Variants in SLC35B3 observed in about 807,000 individuals in gnomAD.
SLC35B3 encodes solute carrier family 35 member B3.
SLC35B3 carries 35 observed loss-of-function variants against 44.1 expected under a neutral mutation model. The ratio of observed to expected loss-of-function variants is 0.79; its 90% CI spans 0.61 to 1.05. The LOEUF (loss-of-function observed/expected upper bound fraction) is 1.05, where lower values mean the gene tolerates loss of function less well. SLC35B3 is among the 50% of genes least tolerant of loss of function. The probability of loss-of-function intolerance (pLI) is 0.00; values close to 1 mark genes in which losing one functional copy is unlikely to be tolerated. For synonymous variants in SLC35B3, 146 were observed against 167.3 expected (o/e 0.87, Z 0.98); for missense variants, 414 against 476.4 (o/e 0.87, Z 1.22).
intron 9 of SLC35B3, among the ~76,000 whole-genome samples, chr6:8,416,542 A>G (rs1457457718): frequency 1.3e-5 from 2 of 152,192 alleles, no homozygotes; most frequent in Admixed American, 1.3e-4. Context: ...AACAAAACTG[A>G]AAGTTTCAGT....
Position 8,433,277 on chromosome 6 carries a change from G to T in SLC35B3, c.3+1108C>A, listed in dbSNP as rs1764164755. Reference sequence around the variant, plus strand: ...TGATCATGCTGCATCCATGAATAAGGCCTCGAAGTTAAAAACGAGTTGATG... The same window carrying T: ...TGATCATGCTGCATCCATGAATAAGTCCTCGAAGTTAAAAACGAGTTGATG... On this transcript the variant is annotated intron_variant, in intron 2 of 10. Transcript: ENST00000644923. This position sits in a 1 kb window ranked among gnomAD's most constrained non-coding sequence, Gnocchi z 4.1. Among the ~76,000 whole-genome samples the T allele has an allele frequency of 2.0e-5, 3 of 152,174 alleles. No individual in the cohort carries two copies. The highest frequency in any genetic ancestry group is 1.3e-4 in the Admixed American group (2 of 15,288).
chr6:8,432,442 T>C lies in SLC35B3; in HGVS notation c.3+1943A>G, dbSNP rs536209610. ...CCAAAGTCACCTTCTTCTGAGATGT[T>C]TGTAATTTAGTAAACTGCCAAGCAT... On this transcript the variant is annotated intron_variant, in intron 2 of 10. Coordinates refer to ENST00000644923, the MANE Select transcript of SLC35B3 (RefSeq NM_001370476.2). This position sits in a 1 kb window ranked among gnomAD's most constrained non-coding sequence, Gnocchi z 4.8. Among the ~76,000 whole-genome samples the C allele has an allele frequency of 2.6e-5, 4 of 152,232 alleles. No homozygotes were observed. Among genetic ancestry groups the C allele is most frequent in the African/African-American group, 7.2e-5 (3 of 41,546 alleles).
intron 9 of SLC35B3, 35 bp downstream of exon 8, chr6:8,416,849 T>A (rs1290252495): frequency 9.1e-7 from 1 of 1,104,552 alleles, no homozygotes; most frequent in African/African-American, 1.6e-5. Flanking sequence ...ATGTAAATGC[T>A]TATTTTATAA....
intron 4 of SLC35B3, 56 bp downstream of exon 3, chr6:8,427,881 T>C (rs1198489448): frequency 2.0e-6 from 3 of 1,524,536 alleles, no homozygotes; most frequent in Non-Finnish European, 2.7e-6. Context: ...ATATTCAGTA[T>C]GCCAAAAAAA....
At chr6:8,417,348 T>C (rs1762502778) in intron 8 of SLC35B3, 54 bp downstream of exon 7, 20 of 1,127,892 alleles carry the variant, frequency 1.8e-5, no homozygotes, top group Non-Finnish European at 2.5e-5. Flanking sequence ...ATGAGAAATT[T>C]AGAGAAAATT....
chr6:8,422,429 C>T, intron 5 of SLC35B3, 41 bp downstream of exon 4: 1 of 1,438,390 alleles, frequency 7.0e-7, no homozygotes, highest in Non-Finnish European at 9.7e-7. Context: ...ATAACATAGC[C>T]TATTAGTTTT....
chr6:8,415,529 A>G (rs1478376353), intron 9 of SLC35B3, among the ~76,000 whole-genome samples: 2 of 152,186 alleles, frequency 1.3e-5, no homozygotes, highest in Non-Finnish European at 2.9e-5. Context: ...GGAGATCTGC[A>G]TAGATCTCCA....
intron 4 of SLC35B3, 107 bp from the exon 4 acceptor site, chr6:8,422,731 T>C: frequency 1.2e-6 from 1 of 856,304 alleles, no homozygotes; most frequent in Non-Finnish European, 1.8e-6. Flanking sequence ...TAATTTCTGG[T>C]TACTATTTCT....
At chr6:8,426,000 T>C (rs1372323851) in intron 4 of SLC35B3, among the ~76,000 whole-genome samples, 5 of 152,188 alleles carry the variant, frequency 3.3e-5, no homozygotes, top group African/African-American at 1.2e-4. Flanking sequence ...ACAAGCACAT[T>C]TGGTCTTGAT....
At chr6:8,427,528 T>C (rs1763532461) in intron 4 of SLC35B3, among the ~76,000 whole-genome samples, 1 of 152,238 alleles carries the variant, frequency 6.6e-6, no homozygotes, top group African/African-American at 2.4e-5. Flanking sequence ...ACTTTTCTAA[T>C]TTTGGAGCAT....
intron 4 of SLC35B3, among the ~76,000 whole-genome samples, chr6:8,423,520 G>A (rs930689150): frequency 2.6e-5 from 4 of 152,254 alleles, no homozygotes; most frequent in Non-Finnish European, 5.9e-5. Flanking sequence ...GTGAGCATAT[G>A]CTCACTTTGA....
chr6:8,432,283 A>G lies in SLC35B3; in HGVS notation c.3+2102T>C, dbSNP rs1486880088. ...TGAGCAAAACTGAAAATCTTATAGA[A>G]AAAGAGTGGGGAAAATTTACAAATA... On this transcript the variant is annotated intron_variant, in intron 2 of 10. Coordinates refer to ENST00000644923, the MANE Select transcript of SLC35B3 (RefSeq NM_001370476.2). The surrounding 1 kb of genome is among the most constrained non-coding windows in gnomAD (Gnocchi z 4.8). 6.6e-6 allele frequency among the ~76,000 whole-genome samples: 1 copy of G among 152,016 alleles called. No individual in the cohort carries two copies. The highest frequency in any genetic ancestry group is 6.6e-5 in the Admixed American group (1 of 15,252).
intron 4 of SLC35B3, among the ~76,000 whole-genome samples, chr6:8,424,504 C>G (rs1181534169): frequency 6.6e-6 from 1 of 152,196 alleles, no homozygotes; most frequent in African/African-American, 2.4e-5. Context: ...AGGTGATCAA[C>G]CTGCCTCGGC....
intron 4 of SLC35B3, among the ~76,000 whole-genome samples, chr6:8,426,787 A>G (rs1285667649): frequency 1.3e-5 from 2 of 152,174 alleles, no homozygotes; most frequent in Non-Finnish European, 2.9e-5. Flanking sequence ...AGGCTGGAAG[A>G]GTTTGGAGGG....
Position 8,411,712 on chromosome 6 carries a change from C to A in SLC35B3, c.*1837G>T, listed in dbSNP as rs917863941. Among the ~76,000 whole-genome samples the A allele has an allele frequency of 3.3e-5, 5 of 152,038 alleles. No individual in the cohort carries two copies. The highest frequency in any genetic ancestry group is 7.4e-5 in the Non-Finnish European group (5 of 68,018). The stretch of plus-strand genomic sequence containing the variant: ...AGGCTCTGTTGTACCTGCATATGCA[C>A]ATAACAGATTAAATAGCCATCAGAA... On this transcript the variant is annotated 3_prime_UTR_variant, in exon 11 of 11. Transcript: ENST00000644923.
chr6:8,424,876 C>T (rs192019541), intron 4 of SLC35B3, among the ~76,000 whole-genome samples: 132 of 152,032 alleles, frequency 8.7e-4, no homozygotes, highest in Non-Finnish European at 1.3e-3. Context: ...TCCAGTATGT[C>T]GGTATTCACA....
In SLC35B3 at chr6:8,422,506, A is replaced by G. The variant is rs757818556; in HGVS notation, c.538T>C (p.Leu180=). 7.5e-5 allele frequency: 121 copies of G among 1,613,596 alleles called. 1 individual carries two copies. Among genetic ancestry groups the G allele is most frequent in the Non-Finnish European group, 9.7e-5 (114 of 1,179,730 alleles). Reference sequence around the variant, plus strand: ...ACTCCTCCTAGCATAACAGGAATCAATTTGCAGCACTTGAAGATGACTTGG... The same window carrying G: ...ACTCCTCCTAGCATAACAGGAATCAGTTTGCAGCACTTGAAGATGACTTGG... Residue 180 remains leucine, a synonymous_variant, in exon 5 of 11, where the codon TTG becomes CTG. Coordinates refer to ENST00000644923, the MANE Select transcript of SLC35B3 (RefSeq NM_001370476.2).
At chr6:8,429,842 T>G (rs372113559) in intron 3 of SLC35B3, 22 bp downstream of exon 2, 87 of 1,476,904 alleles carry the variant, frequency 5.9e-5, no homozygotes, top group African/African-American at 2.0e-4. Context: ...ATTAACATAT[T>G]ACAAACATAT....
intron 10 of SLC35B3, 40 bp downstream of exon 9, chr6:8,414,868 C>T: frequency 1.6e-6 from 2 of 1,246,980 alleles, no homozygotes; most frequent in Middle Eastern, 2.1e-4. Context: ...AACACAGTAT[C>T]TAAAAACTGA....
Sources: allele counts gnomAD v4.1 joint callset (sites outside exome capture counted in the v4.1 genomes callset), GRCh38; gene constraint gnomAD v4.1.1; non-coding constraint Gnocchi (gnomAD v3.1); transcripts MANE v1.5; gene names NCBI Gene and HGNC (gene_info 2026-07-23, HGNC 2026-07-21).